The following ZFP64 variants were observed in gnomAD, a reference collection of about 807,000 sequenced individuals.
ZFP64 encodes ZFP64 zinc finger protein.
Under a neutral mutation model 51.6 loss-of-function variants are expected in ZFP64, and 14 were observed. The observed-to-expected ratio is 0.27, with a 90% CI of 0.18 to 0.42. The LOEUF (loss-of-function observed/expected upper bound fraction) is 0.42, where lower values mean the gene tolerates loss of function less well. Among genes scored for constraint, ZFP64 ranks in the 10% least tolerant of loss-of-function variants. The pLI is 1.00. For synonymous variants in ZFP64, 375 were observed against 361.4 expected, an observed-to-expected ratio of 1.04 and a Z score of -0.43; for missense variants, 754 against 906.8, an observed-to-expected ratio of 0.83 and a Z score of 2.16.
At chr20:52,182,228 G>C (rs569420277) in intron 2 of ZFP64, among the ~76,000 whole-genome samples, 1 of 152,170 alleles carries the variant, frequency 6.6e-6, no homozygotes, top group African/African-American at 2.4e-5. Flanking sequence ...GGTGGATTGG[G>C]ATGCGAGTCC....
chr20:52,092,947 G>A (rs910411904), intron 7 of ZFP64, among the ~76,000 whole-genome samples: 3 of 152,036 alleles, frequency 2.0e-5, no homozygotes, highest in Admixed American at 6.6e-5. Flanking sequence ...TTTATTGTTC[G>A]CAAGTATTTG....
chr20:52,184,730 G>A (rs544647921), intron 2 of ZFP64, among the ~76,000 whole-genome samples: 20 of 151,080 alleles, frequency 1.3e-4, no homozygotes, highest in Admixed American at 1.1e-3. Context: ...GGGCTCAGGC[G>A]AGCCTCCTGC....
chr20:52,132,427 GT>G (rs534133024), intron 5 of ZFP64, among the ~76,000 whole-genome samples: 3,727 of 151,608 alleles, frequency 0.025, 92 homozygotes, highest in Non-Finnish European at 0.028. Flanking sequence ...AAAAAAAGCT[GT>G]TTTTTTAAAA....
At chr20:52,095,426 C>T (rs1303794191) in intron 7 of ZFP64, among the ~76,000 whole-genome samples, 10 of 147,438 alleles carry the variant, frequency 6.8e-5, no homozygotes, top group Non-Finnish European at 1.5e-4. Flanking sequence ...TGATCACTCA[C>T]ACCTGGAACA....
intron 5 of ZFP64, among the ~76,000 whole-genome samples, chr20:52,129,921 A>G (rs62216899): frequency 0.16 from 24,052 of 152,110 alleles, 2,119 homozygotes; most frequent in Non-Finnish European, 0.2. Flanking sequence ...TTATAATAAA[A>G]CATGTCAGAC....
chr20:52,170,391 G>A (rs139289976), intron 2 of ZFP64, among the ~76,000 whole-genome samples: 1,675 of 152,236 alleles, frequency 0.011, 13 homozygotes, highest in Middle Eastern at 0.024. Context: ...GACAGAGGTT[G>A]CAGTGAGCTG....
intron 5 of ZFP64, among the ~76,000 whole-genome samples, chr20:52,124,192 T>TAAAA (rs33931169): frequency 5.3e-5 from 6 of 114,034 alleles, no homozygotes; most frequent in African/African-American, 1.1e-4. Context: ...TTGTTAAATG[T>TAAAA]AAAAAAAAAA....
chr20:52,118,605 C>G (rs1227992831), intron 5 of ZFP64, among the ~76,000 whole-genome samples: 2 of 152,218 alleles, frequency 1.3e-5, no homozygotes, highest in Admixed American at 6.5e-5. Flanking sequence ...TGTCCTGAAG[C>G]TATTCATTTG....
intron 5 of ZFP64, among the ~76,000 whole-genome samples, chr20:52,120,050 A>T (rs747341604): frequency 5.3e-5 from 8 of 152,108 alleles, no homozygotes; most frequent in Non-Finnish European, 1.2e-4. Flanking sequence ...ATGGAGCTGG[A>T]ACTCTCCTGG....
At chr20:52,128,244 G>C (rs1979539966) in intron 5 of ZFP64, among the ~76,000 whole-genome samples, 1 of 152,152 alleles carries the variant, frequency 6.6e-6, no homozygotes, top group Non-Finnish European at 1.5e-5. Context: ...TTTGAGACCA[G>C]CCTGGGCAAC....
chr20:52,136,135 A>G (rs1017206289), intron 5 of ZFP64, among the ~76,000 whole-genome samples: 9 of 151,520 alleles, frequency 5.9e-5, no homozygotes, highest in South Asian at 2.1e-4. Context: ...AAACCAAAAA[A>G]AAGAACAACA....
chr20:52,149,755 GTGTATGTA>G (rs936023465), downstream of ZFP64, among the ~76,000 whole-genome samples: 1 of 152,078 alleles, frequency 6.6e-6, no homozygotes, highest in Non-Finnish European at 1.5e-5. Context: ...ATGCATGCAT[GTGTATGTA>G]TGTATGTATG....
intron 5 of ZFP64, among the ~76,000 whole-genome samples, chr20:52,117,081 G>GCGCA (rs142461003): frequency 6.6e-6 from 1 of 150,680 alleles, no homozygotes; most frequent in Non-Finnish European, 1.5e-5. Context: ...ACACACACAC[G>GCGCA]CACACACACA....
intron 5 of ZFP64, among the ~76,000 whole-genome samples, chr20:52,141,188 C>T (rs1353362672): frequency 6.6e-6 from 1 of 152,202 alleles, no homozygotes; most frequent in Non-Finnish European, 1.5e-5. Flanking sequence ...ATGTTGTTTT[C>T]ATGCCTGCTA....
chr20:52,103,362 C>T (rs1488521509), intron 5 of ZFP64, among the ~76,000 whole-genome samples: 1 of 152,170 alleles, frequency 6.6e-6, no homozygotes, highest in African/African-American at 2.4e-5. Context: ...AAAAAATGTA[C>T]CCCCTTGCCA....
intron 2 of ZFP64, among the ~76,000 whole-genome samples, chr20:52,185,540 C>CAT (rs1229888678): frequency 3.5e-5 from 5 of 143,868 alleles, no homozygotes; most frequent in Non-Finnish European, 7.5e-5. Flanking sequence ...GGTGACCAAA[C>CAT]CTCCCCTGTA....
intron 5 of ZFP64, among the ~76,000 whole-genome samples, chr20:52,128,698 A>G (rs1416741850): frequency 2.0e-5 from 3 of 152,122 alleles, no homozygotes; most frequent in East Asian, 3.9e-4. Context: ...ATTAGTCACC[A>G]TTTTACTAAA....
intron 5 of ZFP64, among the ~76,000 whole-genome samples, chr20:52,119,439 G>A (rs868275639): frequency 2.1e-4 from 32 of 150,474 alleles, no homozygotes; most frequent in African/African-American, 5.9e-4. Flanking sequence ...CAGGAGAATC[G>A]CTTGAACCCA....
chr20:52,088,018 G>A (rs2078882359), intron 8 of ZFP64, among the ~76,000 whole-genome samples: 1 of 152,126 alleles, frequency 6.6e-6, no homozygotes, highest in Non-Finnish European at 1.5e-5. Flanking sequence ...AAAAGTTTGT[G>A]ATTTTTAATT....
Sources: gnomAD v4.1 joint callset for allele counts (sites outside exome capture counted in the v4.1 genomes callset) on GRCh38, gnomAD v4.1.1 for gene constraint, MANE v1.5 for transcripts, NCBI Gene and HGNC (gene_info 2026-07-23, HGNC 2026-07-21) for gene names.